Variants in PRELID2 observed in about 807,000 individuals in gnomAD.
PRELID2 encodes PRELI domain containing 2.
PRELID2 carries 25 observed loss-of-function variants against 28.4 expected under a neutral mutation model. The ratio of observed to expected loss-of-function variants is 0.88; its 90% CI spans 0.64 to 1.23. The LOEUF is 1.23. Among genes scored for constraint, PRELID2 ranks in the 50% most tolerant of loss-of-function variants. PRELID2 has a pLI of 0.00. For synonymous variants in PRELID2, 76 were observed against 71.6 expected, an observed-to-expected ratio of 1.06 and a Z score of -0.31; for missense variants, 201 against 214.4, an observed-to-expected ratio of 0.94 and a Z score of 0.39.
downstream of PRELID2, among the ~76,000 whole-genome samples, chr5:145,468,736 A>G (rs185124817): frequency 2.6e-5 from 4 of 152,254 alleles, no homozygotes; most frequent in East Asian, 7.7e-4. Flanking sequence ...GTGGCTGTTC[A>G]TATCCTTTGC....
At chr5:145,294,322 T>C in the PRELID2 span, among the ~76,000 whole-genome samples, 5 of 152,286 alleles carry the variant, frequency 3.3e-5, no homozygotes, top group Non-Finnish European at 7.4e-5. Flanking sequence ...TTCTGAAAGT[T>C]GTCACATATG....
At chr5:145,635,670 G>A (rs118164475) in intron 1 of PRELID2, among the ~76,000 whole-genome samples, 217 of 152,308 alleles carry the variant, frequency 1.4e-3, no homozygotes, top group East Asian at 0.013. Flanking sequence ...GACTCTAAAT[G>A]TTTGCATCAT....
At chr5:145,268,228 G>A in the PRELID2 span, among the ~76,000 whole-genome samples, 5 of 152,114 alleles carry the variant, frequency 3.3e-5, no homozygotes, top group African/African-American at 1.2e-4. Flanking sequence ...CCAATGTCCT[G>A]GAGAATTTCT....
At chr5:145,229,143 G>A in the PRELID2 span, 5 of 1,101,276 alleles carry the variant, frequency 4.5e-6, no homozygotes, top group African/African-American at 3.1e-5. Flanking sequence ...GCGGGTGGGG[G>A]CCAAGTGTGT....
the PRELID2 span, among the ~76,000 whole-genome samples, chr5:145,423,269 C>G: frequency 1.3e-5 from 2 of 148,492 alleles, no homozygotes; most frequent in South Asian, 4.3e-4. Context: ...TTTCCTGAAT[C>G]TGAACGTTGG....
the PRELID2 span, among the ~76,000 whole-genome samples, chr5:145,419,472 G>C: frequency 1.6e-5 from 2 of 126,158 alleles, no homozygotes; most frequent in African/African-American, 5.9e-5. Flanking sequence ...GCATTTCTCT[G>C]ATGGCCAGTG....
intron 1 of PRELID2, among the ~76,000 whole-genome samples, chr5:145,666,832 T>C (rs1754605082): frequency 6.6e-6 from 1 of 152,104 alleles, no homozygotes; most frequent in Non-Finnish European, 1.5e-5. Context: ...ATATGTATTA[T>C]GTTTACTTGC....
chr5:145,644,981 T>C (rs1754172864), intron 1 of PRELID2, among the ~76,000 whole-genome samples: 1 of 152,228 alleles, frequency 6.6e-6, no homozygotes, highest in African/African-American at 2.4e-5. Flanking sequence ...CTAAAAAGAA[T>C]GTATATTCTG....
At chr5:145,392,765 C>T in the PRELID2 span, among the ~76,000 whole-genome samples, 2 of 152,194 alleles carry the variant, frequency 1.3e-5, no homozygotes, top group Admixed American at 1.3e-4. Flanking sequence ...TACATGCTCT[C>T]TAGCCAATCA....
chr5:145,247,778 T>C, the PRELID2 span, among the ~76,000 whole-genome samples: 1 of 152,124 alleles, frequency 6.6e-6, no homozygotes, highest in Non-Finnish European at 1.5e-5. Context: ...CAAGAAAATC[T>C]GACATGGACC....
chr5:145,497,787 G>A (rs1752321723), intron 1 of PRELID2, among the ~76,000 whole-genome samples: 1 of 152,180 alleles, frequency 6.6e-6, no homozygotes, highest in Admixed American at 6.5e-5. Context: ...ATGAAAAAAA[G>A]GTTAGCAAGT....
intron 1 of PRELID2, among the ~76,000 whole-genome samples, chr5:145,694,970 C>T (rs1258457429): frequency 6.6e-6 from 1 of 152,128 alleles, no homozygotes; most frequent in Non-Finnish European, 1.5e-5. Context: ...TATTCCATCA[C>T]CCCCCACATA....
the PRELID2 span, among the ~76,000 whole-genome samples, chr5:145,446,107 T>C: frequency 6.6e-6 from 1 of 151,930 alleles, no homozygotes; most frequent in Non-Finnish European, 1.5e-5. Flanking sequence ...TTATAGAGTT[T>C]CAAATAGCTA....
At chr5:145,698,973 C>T (rs1017486313) in intron 1 of PRELID2, among the ~76,000 whole-genome samples, 4 of 152,130 alleles carry the variant, frequency 2.6e-5, no homozygotes, top group Admixed American at 6.5e-5. Flanking sequence ...GTGATCCACC[C>T]GCCTCAGCCT....
chr5:145,725,845 T>C (rs1756130110), intron 1 of PRELID2, among the ~76,000 whole-genome samples: 1 of 152,176 alleles, frequency 6.6e-6, no homozygotes, highest in Non-Finnish European at 1.5e-5. Flanking sequence ...GATTTACATA[T>C]TCTATAGGGA....
intron 1 of PRELID2, among the ~76,000 whole-genome samples, chr5:145,743,371 A>T (rs1581130033): frequency 6.8e-6 from 1 of 147,132 alleles, no homozygotes; most frequent in East Asian, 2.0e-4. Context: ...AGATTGCACC[A>T]TTGTACTCCA....
chr5:145,646,553 T>A (rs1187320218), intron 1 of PRELID2, among the ~76,000 whole-genome samples: 1 of 152,194 alleles, frequency 6.6e-6, no homozygotes, highest in Non-Finnish European at 1.5e-5. Flanking sequence ...TCAAATTCAT[T>A]CTCCATCCAG....
the PRELID2 span, among the ~76,000 whole-genome samples, chr5:145,401,524 G>A: frequency 6.6e-6 from 1 of 152,222 alleles, no homozygotes; most frequent in Middle Eastern, 3.4e-3. Flanking sequence ...CTATGATGAA[G>A]ATTTTTCCTT....
the PRELID2 span, among the ~76,000 whole-genome samples, chr5:145,255,381 G>T: frequency 6.6e-6 from 1 of 151,782 alleles, no homozygotes; most frequent in African/African-American, 2.4e-5. Context: ...ATACTAAAAA[G>T]AAATAAAAAC....
Sources: gnomAD v4.1 joint callset for allele counts (sites outside exome capture counted in the v4.1 genomes callset) on GRCh38, gnomAD v4.1.1 for gene constraint, MANE v1.5 for transcripts, NCBI Gene and HGNC (gene_info 2026-07-23, HGNC 2026-07-21) for gene names.